HECW2: variants seen among roughly 807,000 people sequenced by gnomAD.
HECW2 encodes HECT, C2 and WW domain containing E3 ubiquitin protein ligase 2.
Under a neutral mutation model 175.2 loss-of-function variants are expected in HECW2, and 61 were observed. The ratio of observed to expected loss-of-function variants is 0.35; its 90% CI spans 0.28 to 0.43. HECW2 has a LOEUF of 0.43. Ranked by LOEUF, HECW2 falls within the 20% of genes least tolerant of loss-of-function variation. The pLI is 1.00. For synonymous variants in HECW2, 671 were observed against 731.0 expected, an observed-to-expected ratio of 0.92 and a Z score of 1.32; for missense variants, 1,524 against 2,000.5, an observed-to-expected ratio of 0.76 and a Z score of 4.54.
intron 17 of HECW2, 41 bp from the exon 18 acceptor site, chr2:196,257,947 C>T: frequency 2.1e-6 from 3 of 1,419,132 alleles, no homozygotes; most frequent in African/African-American, 1.4e-5. Flanking sequence ...ATATGGTAGA[C>T]CTTTAGGCTA....
At chr2:196,468,638 T>C (rs954336345) in intron 1 of HECW2, among the ~76,000 whole-genome samples, 2 of 152,214 alleles carry the variant, frequency 1.3e-5, no homozygotes, top group Non-Finnish European at 2.9e-5. Context: ...GTGGCAATTC[T>C]CTAAACTATT....
At chr2:196,576,865 A>G (rs1026591200) in intron 1 of HECW2, among the ~76,000 whole-genome samples, 1 of 152,230 alleles carries the variant, frequency 6.6e-6, no homozygotes, top group Admixed American at 6.5e-5. Flanking sequence ...AGCTGGAAAA[A>G]GGTTTATTAG....
intron 16 of HECW2, among the ~76,000 whole-genome samples, chr2:196,271,929 A>G (rs1362077122): frequency 6.6e-6 from 1 of 152,194 alleles, no homozygotes; most frequent in Non-Finnish European, 1.5e-5. Flanking sequence ...TTAGTTAAAC[A>G]TTCTTAGTAA....
intron 1 of HECW2, among the ~76,000 whole-genome samples, chr2:196,528,723 C>A (rs1688749819): frequency 6.6e-6 from 1 of 152,212 alleles, no homozygotes; most frequent in Non-Finnish European, 1.5e-5. Flanking sequence ...GTGGTCATGC[C>A]TGGTTCTTTT....
intron 2 of HECW2, among the ~76,000 whole-genome samples, chr2:196,367,929 G>T (rs1187433400): frequency 6.7e-6 from 1 of 150,096 alleles, no homozygotes; most frequent in Non-Finnish European, 1.5e-5. Context: ...GAGATACATA[G>T]ATACATATAT....
At chr2:196,358,474 C>T (rs1693461440) in intron 2 of HECW2, among the ~76,000 whole-genome samples, 1 of 149,056 alleles carries the variant, frequency 6.7e-6, no homozygotes, top group East Asian at 2.0e-4. Context: ...ACTTGGGAGG[C>T]TGAGGCAGGA....
intron 1 of HECW2, among the ~76,000 whole-genome samples, chr2:196,574,953 T>C (rs532036087): frequency 6.6e-6 from 1 of 151,826 alleles, no homozygotes; most frequent in South Asian, 2.1e-4. Flanking sequence ...ATACATGGTG[T>C]TGGGAAAACT....
intron 17 of HECW2, among the ~76,000 whole-genome samples, chr2:196,266,969 G>A (rs934238756): frequency 1.3e-5 from 2 of 152,140 alleles, no homozygotes; most frequent in African/African-American, 4.8e-5. Flanking sequence ...AGAATTTCTT[G>A]ACTCCCAAGT....
At chr2:196,571,682 T>C (rs6704897) in intron 1 of HECW2, among the ~76,000 whole-genome samples, 152,067 of 152,158 alleles carry the variant, frequency 1, 75,988 homozygotes, top group Middle Eastern at 1. Flanking sequence ...GCCTGGGCAA[T>C]GGGATGAGAT....
chr2:196,376,499 C>T (rs767786817), intron 2 of HECW2, among the ~76,000 whole-genome samples: 3 of 151,626 alleles, frequency 2.0e-5, no homozygotes, highest in African/African-American at 4.9e-5. Flanking sequence ...TGCAGTGGTG[C>T]GCACCTGTAA....
chr2:196,230,943 AAT>A (rs1688030234), intron 21 of HECW2, among the ~76,000 whole-genome samples: 1 of 152,086 alleles, frequency 6.6e-6, no homozygotes, highest in Non-Finnish European at 1.5e-5. Flanking sequence ...CTCTACTAAA[AAT>A]ACAAAAAATT....
chr2:196,214,893 ATAG>A (rs1322956779), intron 28 of HECW2, among the ~76,000 whole-genome samples: 2 of 152,178 alleles, frequency 1.3e-5, no homozygotes, highest in African/African-American at 4.8e-5. Context: ...GTCACCTTAT[ATAG>A]TAACAATAAT....
In HECW2 at chr2:196,445,443, CA is replaced by C. The variant is rs368429236; in HGVS notation, c.-35-11986del. On this transcript the variant is annotated intron_variant, in intron 1 of 28. Transcript: ENST00000644978. ...TTTTTTTAAACTTTTACTTTAGGTT[CA>C]GGGGTACATGTGCAGGCTTCTTATA... 4.8e-4 allele frequency among the ~76,000 whole-genome samples: 73 copies of C among 152,096 alleles called. No individual in the cohort carries two copies. In the East Asian group the frequency reaches 0.01, roughly 22 times the overall value.
At chr2:196,209,416 T>C (rs1324911523) in intron 28 of HECW2, among the ~76,000 whole-genome samples, 1 of 152,244 alleles carries the variant, frequency 6.6e-6, no homozygotes, top group Non-Finnish European at 1.5e-5. Context: ...GAATCTTTAA[T>C]ATGGTGATGT....
At position 196,296,885 on chromosome 2, in the gene HECW2, G is replaced by A. The variant is rs1289256467; in HGVS notation, c.2815-4135C>T. Among the ~76,000 whole-genome samples the A allele has an allele frequency of 2.0e-5, 3 of 152,194 alleles. No individual in the cohort carries two copies. The East Asian group carries it at 5.8e-4, about 29-fold the overall frequency. ...TGAAGCTGATATTAACAAAGCTGTGGGTTAAGAGAAAATATTTTCCTTTGT... is the reference window on the plus strand; with the variant it reads ...TGAAGCTGATATTAACAAAGCTGTGAGTTAAGAGAAAATATTTTCCTTTGT... On this transcript the variant is annotated intron_variant, in intron 13 of 28. Transcript: ENST00000644978.
chr2:196,505,087 C>A (rs1687711287), intron 1 of HECW2, among the ~76,000 whole-genome samples: 1 of 152,146 alleles, frequency 6.6e-6, no homozygotes, highest in Non-Finnish European at 1.5e-5. Flanking sequence ...ACAGAGACAT[C>A]AGCTCCATCA....
intron 1 of HECW2, among the ~76,000 whole-genome samples, chr2:196,540,609 A>T (rs990587903): frequency 2.6e-5 from 4 of 151,956 alleles, no homozygotes; most frequent in African/African-American, 9.7e-5. Context: ...ATGCACGGCT[A>T]ATTTTTTAAT....
In HECW2 at chr2:196,198,510, C is replaced by A. The variant is rs546866237; in HGVS notation, c.*2767G>T. The A allele has an allele frequency of 6.6e-6, 1 of 152,310 alleles. No homozygotes were observed. Among genetic ancestry groups the A allele is most frequent in the South Asian group, 2.1e-4 (1 of 4,820 alleles). The allele number at this position is 152,310 out of a possible 1,614,324, so 9.4% of individuals were successfully genotyped here. A position where few individuals can be genotyped will look rare whatever the true frequency, so the allele number is the denominator to read the frequency against. ...CACTGTGAGCTGAGCTTTTCAAAGG[C>A]AGATTTAGACTCTTGTAGCTCCATC... On this transcript the variant is annotated 3_prime_UTR_variant, in exon 29 of 29. Coordinates refer to ENST00000644978, the MANE Select transcript of HECW2 (RefSeq NM_001348768.2).
At chr2:196,253,403 G>A (rs773380778) in intron 19 of HECW2, among the ~76,000 whole-genome samples, 3 of 152,046 alleles carry the variant, frequency 2.0e-5, no homozygotes, top group Non-Finnish European at 2.9e-5. Context: ...TTTCATTCAG[G>A]CCTATCTCTT....
Sources: allele counts gnomAD v4.1 joint callset (sites outside exome capture counted in the v4.1 genomes callset), GRCh38; gene constraint gnomAD v4.1.1; transcripts MANE v1.5; gene names NCBI Gene and HGNC (gene_info 2026-07-23, HGNC 2026-07-21).